GABRB1: variants seen among roughly 807,000 people sequenced by gnomAD.
The protein encoded by GABRB1 is gamma-aminobutyric acid type A receptor subunit beta1.
GABRB1 carries 17 observed loss-of-function variants against 51.6 expected under a neutral mutation model. That is an observed-to-expected ratio of 0.33 (90% confidence interval 0.23 to 0.49). The LOEUF is 0.49. Ranked by LOEUF, GABRB1 falls within the 20% of genes least tolerant of loss-of-function variation. The probability of loss-of-function intolerance (pLI) is 0.99; values close to 1 mark genes in which losing one functional copy is unlikely to be tolerated. For missense variants in GABRB1, 410 were observed against 600.6 expected, an observed-to-expected ratio of 0.68 and a Z score of 3.32; for synonymous variants, 247 against 218.9, an observed-to-expected ratio of 1.13 and a Z score of -1.14.
chr4:47,054,440 T>C (rs1726500079), intron 3 of GABRB1, among the ~76,000 whole-genome samples: 1 of 152,244 alleles, frequency 6.6e-6, no homozygotes, highest in South Asian at 2.1e-4. Context: ...TAATGATGTC[T>C]GCTTTACCTT....
At chr4:47,312,334 C>A (rs1248474993) in intron 4 of GABRB1, among the ~76,000 whole-genome samples, 6 of 152,056 alleles carry the variant, frequency 3.9e-5, no homozygotes, top group African/African-American at 1.4e-4. Context: ...TTTTTCTAAA[C>A]AGACTAGCCA....
At chr4:47,292,827 G>A (rs1212758770) in intron 4 of GABRB1, among the ~76,000 whole-genome samples, 3 of 152,178 alleles carry the variant, frequency 2.0e-5, no homozygotes, top group African/African-American at 7.2e-5. Flanking sequence ...GAGGAAGTGA[G>A]AGAGGGAGGG....
chr4:47,372,428 T>A (rs1727227728), intron 5 of GABRB1, among the ~76,000 whole-genome samples: 1 of 152,164 alleles, frequency 6.6e-6, no homozygotes, highest in African/African-American at 2.4e-5. Flanking sequence ...TTTCTCCAAT[T>A]TTGGCCCCCA....
intron 1 of GABRB1, among the ~76,000 whole-genome samples, chr4:47,023,779 A>C (rs950311362): frequency 1.3e-5 from 2 of 152,028 alleles, no homozygotes; most frequent in Admixed American, 1.3e-4. Context: ...TGTACCCCGC[A>C]GGTATATACA....
At chr4:47,269,010 TTTTAG>T (rs1722751604) in intron 4 of GABRB1, among the ~76,000 whole-genome samples, 1 of 152,206 alleles carries the variant, frequency 6.6e-6, no homozygotes, top group East Asian at 1.9e-4. Context: ...GGCAACCATG[TTTTAG>T]TTTAATGTTG....
chr4:47,032,659 G>A (rs762230207), intron 3 of GABRB1, 175 bp downstream of exon 3: 12 of 725,034 alleles, frequency 1.7e-5, no homozygotes, highest in African/African-American at 3.5e-5. Flanking sequence ...TTGTAATTTC[G>A]ACACACACGG....
chr4:47,244,051 A>G (rs900723923), intron 4 of GABRB1, among the ~76,000 whole-genome samples: 2 of 152,190 alleles, frequency 1.3e-5, no homozygotes, highest in Non-Finnish European at 2.9e-5. Context: ...ATTTTGAGAT[A>G]TGTCCCATCA....
chr4:47,204,807 G>A (rs1720049722), intron 4 of GABRB1, among the ~76,000 whole-genome samples: 1 of 152,154 alleles, frequency 6.6e-6, no homozygotes, highest in South Asian at 2.1e-4. Context: ...ACGTGGAACT[G>A]TGAGTTCTCC....
intron 4 of GABRB1, among the ~76,000 whole-genome samples, chr4:47,231,687 G>C (rs888892717): frequency 1.3e-5 from 2 of 152,186 alleles, no homozygotes; most frequent in African/African-American, 2.4e-5. Context: ...ATCATTGCAA[G>C]CTCTTTGAGT....
intron 5 of GABRB1, among the ~76,000 whole-genome samples, chr4:47,380,475 C>T (rs1727556153): frequency 6.6e-6 from 1 of 152,140 alleles, no homozygotes; most frequent in African/African-American, 2.4e-5. Context: ...GGATAAGCCC[C>T]ATCTTCATGC....
At chr4:47,403,526 G>A (rs1291176769) in intron 6 of GABRB1, 33 bp from the exon 7 acceptor site, 1 of 1,613,342 alleles carries the variant, frequency 6.2e-7, no homozygotes, top group Non-Finnish European at 8.5e-7. Flanking sequence ...CCAAATAATG[G>A]TCTGATTACT....
intron 3 of GABRB1, chr4:47,032,840 G>T (rs1212812792): frequency 2.2e-6 from 1 of 452,560 alleles, no homozygotes; most frequent in Non-Finnish European, 4.5e-6. Context: ...CCTGCACTAG[G>T]GTCCCCGGAC....
At chr4:47,228,163 G>A (rs1578016923) in intron 4 of GABRB1, among the ~76,000 whole-genome samples, 1 of 152,098 alleles carries the variant, frequency 6.6e-6, no homozygotes. Context: ...AGCAGCCGTT[G>A]GAATCAACCC....
At chr4:47,365,831 T>G (rs1010943177) in intron 5 of GABRB1, among the ~76,000 whole-genome samples, 1 of 152,182 alleles carries the variant, frequency 6.6e-6, no homozygotes, top group African/African-American at 2.4e-5. Context: ...GCTAACCTGC[T>G]CTCTCCCTTG....
At chr4:47,163,890 G>A (rs1718064044) in intron 4 of GABRB1, among the ~76,000 whole-genome samples, 3 of 151,950 alleles carry the variant, frequency 2.0e-5, no homozygotes, top group South Asian at 2.1e-4. Flanking sequence ...TTGCTATAAA[G>A]ATGCTACCCA....
intron 5 of GABRB1, among the ~76,000 whole-genome samples, chr4:47,353,665 T>G (rs1726445997): frequency 6.6e-6 from 1 of 152,192 alleles, no homozygotes; most frequent in Non-Finnish European, 1.5e-5. Flanking sequence ...CATTTCCAAT[T>G]TTATTTTTCA....
At chr4:47,368,937 G>C (rs1029609839) in intron 5 of GABRB1, among the ~76,000 whole-genome samples, 6 of 151,910 alleles carry the variant, frequency 3.9e-5, no homozygotes, top group African/African-American at 1.2e-4. Context: ...GTGAAACACC[G>C]TCTCTACTAA....
chr4:47,040,211 G>C (rs1433937912), intron 3 of GABRB1, among the ~76,000 whole-genome samples: 2 of 152,168 alleles, frequency 1.3e-5, no homozygotes, highest in African/African-American at 4.8e-5. Flanking sequence ...CCCTAATCCT[G>C]AAATGCAGAA....
chr4:47,034,676 C>T (rs567073399), intron 3 of GABRB1, among the ~76,000 whole-genome samples: 9 of 152,196 alleles, frequency 5.9e-5, no homozygotes, highest in African/African-American at 2.2e-4. Context: ...TTTATTTTAT[C>T]TTCTGTCATC....
Sources: gnomAD v4.1 joint callset for allele counts (sites outside exome capture counted in the v4.1 genomes callset) on GRCh38, gnomAD v4.1.1 for gene constraint, MANE v1.5 for transcripts, NCBI Gene and HGNC (gene_info 2026-07-23, HGNC 2026-07-21) for gene names.